The following C12orf50 variants were observed in gnomAD, a reference collection of about 807,000 sequenced individuals.
C12orf50 encodes zinc finger CCCH-type containing 11D, also known as uncharacterized protein C12orf50.
A neutral mutation model predicts 61.6 loss-of-function variants in C12orf50; 35 were observed. The ratio of observed to expected loss-of-function variants is 0.57; its 90% confidence interval spans 0.43 to 0.75. The LOEUF (loss-of-function observed/expected upper bound fraction) is 0.75, where lower values mean the gene tolerates loss of function less well. Ranked by LOEUF, C12orf50 falls within the 30% of genes least tolerant of loss-of-function variation. The pLI, the probability that C12orf50 is intolerant of heterozygous loss-of-function variation, is 0.00. For missense variants in C12orf50, 475 were observed against 488.5 expected, an observed-to-expected ratio of 0.97 and a Z score of 0.26; for synonymous variants, 178 against 161.5, an observed-to-expected ratio of 1.10 and a Z score of -0.77.
intron 3 of C12orf50, among the ~76,000 whole-genome samples, chr12:87,999,207 C>T (rs1565748253): frequency 6.6e-6 from 1 of 152,124 alleles, no homozygotes; most frequent in East Asian, 1.9e-4. Flanking sequence ...CAAGGTGACA[C>T]AGAAAGAATA....
At chr12:88,026,431 T>C (rs1424267219) in intron 3 of C12orf50, 57 bp downstream of exon 3, 1 of 1,570,608 alleles carries the variant, frequency 6.4e-7, no homozygotes, top group East Asian at 2.3e-5. Context: ...TCTATGCTGC[T>C]AGTCCAAAAC....
Position 88,019,580 on chromosome 12 carries a change from A to C in C12orf50, c.133+6908T>G, listed in dbSNP as rs994255051. ...ACATTTGGGAGTCACTGACATGTGG[A>C]TCATATTCAAAATCATAAGGCTAGA... On this transcript the variant is annotated intron_variant, in intron 3 of 12. Coordinates refer to ENST00000298699, the MANE Select transcript of C12orf50 (RefSeq NM_152589.3). Among the ~76,000 whole-genome samples the C allele has an allele frequency of 5.9e-5, 9 of 152,214 alleles. No homozygotes were observed. The East Asian group carries it at 1.6e-3, about 26-fold the overall frequency.
chr12:88,001,292 A>ATATTATTAT (rs111556053), intron 3 of C12orf50, among the ~76,000 whole-genome samples: 10 of 149,590 alleles, frequency 6.7e-5, no homozygotes, highest in African/African-American at 2.0e-4. Context: ...TATTGTGGGT[A>ATATTATTAT]TATTATTATT....
At chr12:88,005,681 C>T (rs2031832297) in intron 3 of C12orf50, among the ~76,000 whole-genome samples, 1 of 151,940 alleles carries the variant, frequency 6.6e-6, no homozygotes, top group East Asian at 1.9e-4. Context: ...GCTCTGTCGC[C>T]CAGGCTGGAG....
At chr12:88,019,616 A>G (rs891056966) in intron 3 of C12orf50, among the ~76,000 whole-genome samples, 7 of 152,158 alleles carry the variant, frequency 4.6e-5, no homozygotes, top group African/African-American at 1.7e-4. Flanking sequence ...TGAGACTACC[A>G]AGAAAGTAAA....
At chr12:88,011,900 C>T (rs1283679171) in intron 3 of C12orf50, among the ~76,000 whole-genome samples, 2 of 152,070 alleles carry the variant, frequency 1.3e-5, no homozygotes, top group African/African-American at 2.4e-5. Flanking sequence ...TCCTTAAAAC[C>T]GGTAATATAC....
intron 3 of C12orf50, among the ~76,000 whole-genome samples, chr12:88,012,762 T>C (rs2032159186): frequency 6.6e-6 from 1 of 152,112 alleles, no homozygotes; most frequent in Admixed American, 6.5e-5. Context: ...CCTGAACTCT[T>C]TTAAAATGTA....
Position 87,996,654 on chromosome 12 carries a change from A to C in C12orf50, c.290-8T>G. The C allele has an allele frequency of 6.4e-7, 1 of 1,569,884 alleles. No homozygotes were observed. The highest frequency in any genetic ancestry group is 8.7e-7 in the Non-Finnish European group (1 of 1,152,302). The stretch of plus-strand genomic sequence containing the variant: ...TCCATAAACTAGAAGCATCTATAGG[A>C]TATAGATTTTTTAAATTAAATTGTC... On this transcript the variant is annotated splice_region_variant and splice_polypyrimidine_tract_variant and intron_variant, in intron 4 of 12. Coordinates refer to ENST00000298699, the MANE Select transcript of C12orf50 (RefSeq NM_152589.3).
chr12:87,981,630 A>C (rs1463812760), intron 12 of C12orf50, among the ~76,000 whole-genome samples: 7 of 152,124 alleles, frequency 4.6e-5, no homozygotes, highest in Middle Eastern at 6.8e-3. Context: ...ATACTGACCC[A>C]CCCCAATATG....
At chr12:88,029,218 G>A in intron 1 of C12orf50, 122 bp downstream of exon 1, 3 of 681,864 alleles carry the variant, frequency 4.4e-6, no homozygotes, top group Non-Finnish European at 4.2e-6. Context: ...TGTGTAAGGG[G>A]GAAAAATAAT....
At chr12:88,001,519 G>T (rs2136441898) in intron 3 of C12orf50, among the ~76,000 whole-genome samples, 1 of 149,016 alleles carries the variant, frequency 6.7e-6, no homozygotes, top group African/African-American at 2.5e-5. Flanking sequence ...GAGTTGGAAA[G>T]TGTTGCATCA....
Position 88,026,473 on chromosome 12 carries a change from A to G in C12orf50, c.133+15T>C, listed in dbSNP as rs772901477. 2 of 1,612,046 alleles carry G rather than the reference A, an allele frequency of 1.2e-6. No homozygotes were observed. The highest frequency in any genetic ancestry group is 1.7e-6 in the Non-Finnish European group (2 of 1,179,276). On this transcript the variant is annotated intron_variant, in intron 3 of 12. Coordinates refer to ENST00000298699, the MANE Select transcript of C12orf50 (RefSeq NM_152589.3). Reference sequence around the variant, plus strand: ...AGAATATGGTAAGTCTATGTTATTCAAAAAATGTACTCACTGCTACTTGGT... The same window carrying G: ...AGAATATGGTAAGTCTATGTTATTCGAAAAATGTACTCACTGCTACTTGGT...
intron 3 of C12orf50, among the ~76,000 whole-genome samples, chr12:88,007,488 C>T (rs2031929298): frequency 2.0e-5 from 3 of 152,152 alleles, no homozygotes; most frequent in African/African-American, 7.2e-5. Flanking sequence ...CACTGGCAGG[C>T]TTGGTCTCTA....
chr12:88,029,929 A>G (rs2032833952), upstream of C12orf50, among the ~76,000 whole-genome samples: 1 of 152,204 alleles, frequency 6.6e-6, no homozygotes, highest in Non-Finnish European at 1.5e-5. Flanking sequence ...TCTTCTTCCT[A>G]TAGCAGAAAG....
chr12:88,002,626 A>G (rs2031698001), intron 3 of C12orf50, among the ~76,000 whole-genome samples: 1 of 151,678 alleles, frequency 6.6e-6, no homozygotes, highest in African/African-American at 2.4e-5. Context: ...TAGACAGCAT[A>G]TAGTTTTATC....
chr12:88,006,394 C>A (rs1170541292), intron 3 of C12orf50, among the ~76,000 whole-genome samples: 1 of 152,136 alleles, frequency 6.6e-6, no homozygotes, highest in Non-Finnish European at 1.5e-5. Flanking sequence ...TGTTCTATTC[C>A]AAATAAATTC....
chr12:88,011,208 G>GT (rs1317217962), intron 3 of C12orf50, among the ~76,000 whole-genome samples: 2 of 151,502 alleles, frequency 1.3e-5, no homozygotes, highest in African/African-American at 2.4e-5. Context: ...GTGTATCAGA[G>GT]TTTTTTTTAA....
Position 87,996,623 on chromosome 12 carries a change from T to C in C12orf50, c.313A>G (p.Thr105Ala), listed in dbSNP as rs138096611. 1.9e-6 allele frequency: 3 copies of C among 1,608,948 alleles called. No individual in the cohort carries two copies. Among genetic ancestry groups the C allele is most frequent in the South Asian group, 2.2e-5 (2 of 90,944 alleles). ...CTTTTTTCTTCAATTTCTTCAGGGG[T>C]CTTTGTCCATAAACTAGAAGCATCT... The part of the protein sequence containing the change: ...QNDASSLWTK[T>A]PEEIEEKRAI... The change falls in exon 5 of 13, where the codon ACC (threonine) becomes GCC (alanine). Residue 105 changes from threonine (T) to alanine (A), a missense_variant. Thr to Ala is a moderately conservative substitution (Grantham distance 58, BLOSUM62 0). Coordinates refer to ENST00000298699, the MANE Select transcript of C12orf50 (RefSeq NM_152589.3).
chr12:88,012,937 G>T (rs2032166913), intron 3 of C12orf50, among the ~76,000 whole-genome samples: 1 of 152,002 alleles, frequency 6.6e-6, no homozygotes, highest in Non-Finnish European at 1.5e-5. Context: ...GGCGTCATGA[G>T]CCTGTGGTCC....
Sources: gnomAD v4.1 joint callset for allele counts (sites outside exome capture counted in the v4.1 genomes callset) on GRCh38, gnomAD v4.1.1 for gene constraint, MANE v1.5 for transcripts, NCBI Gene and HGNC (gene_info 2026-07-23, HGNC 2026-07-21) for gene names.